The following MICAL2 variants were observed in gnomAD, a reference collection of about 807,000 sequenced individuals.
The protein encoded by MICAL2 is [F-actin]-monooxygenase MICAL2.
MICAL2 carries 77 observed loss-of-function variants against 127.3 expected under a neutral mutation model. The observed-to-expected ratio is 0.60, with a 90% CI of 0.50 to 0.73. MICAL2 has a LOEUF of 0.73. Among genes scored for constraint, MICAL2 ranks in the 30% least tolerant of loss-of-function variants. The pLI is 0.00. For synonymous variants in MICAL2, 570 were observed against 551.1 expected (o/e 1.03, Z -0.48); for missense variants, 1,351 against 1,434.4 (o/e 0.94, Z 0.94).
intron 29 of MICAL2, among the ~76,000 whole-genome samples, chr11:12,310,005 T>G (rs1864154423): frequency 6.6e-6 from 1 of 152,160 alleles, no homozygotes; most frequent in East Asian, 1.9e-4. Context: ...TCAGGCCTTT[T>G]GCATTTTTTA....
rs762342397 is a variant in MICAL2 at position 12,220,192 on chromosome 11, C to G, written c.949-9C>G. The G allele has an allele frequency of 5.6e-6, 9 of 1,613,698 alleles. No individual in the cohort carries two copies. The Admixed American group carries it at 6.7e-5, about 12-fold the overall frequency. On this transcript the variant is annotated splice_polypyrimidine_tract_variant and intron_variant, in intron 8 of 27. Transcript: ENST00000683283. ...GGAGGTTGCTGCACCATGTTTTCAT[C>G]TTCCCCAGGACTACATCGACACAGA...
At chr11:12,280,173 A>C (rs1229531177) in intron 1 of MICAL2, among the ~76,000 whole-genome samples, 1 of 152,038 alleles carries the variant, frequency 6.6e-6, no homozygotes, top group Non-Finnish European at 1.5e-5. Flanking sequence ...ACCCAGGTAG[A>C]ATTTTCCATT....
chr11:12,300,648 C>T (rs1864036658), intron 29 of MICAL2, among the ~76,000 whole-genome samples: 1 of 152,142 alleles, frequency 6.6e-6, no homozygotes, highest in Non-Finnish European at 1.5e-5. Context: ...ACCCTATGCC[C>T]TCTAACCACT....
At chr11:12,280,410 A>G (rs2403609) in intron 1 of MICAL2, among the ~76,000 whole-genome samples, 125,133 of 152,156 alleles carry the variant, frequency 0.82, 52,073 homozygotes, top group Non-Finnish European at 0.89. Context: ...ATAACAAAGC[A>G]CCACAGACTG....
At chr11:12,125,009 C>T (rs1850800434) in intron 1 of MICAL2, among the ~76,000 whole-genome samples, 1 of 152,244 alleles carries the variant, frequency 6.6e-6, no homozygotes, top group Non-Finnish European at 1.5e-5. Flanking sequence ...GACACATCCT[C>T]TCTCTTCTAG....
chr11:12,309,226 A>G (rs1353945296), intron 29 of MICAL2, among the ~76,000 whole-genome samples: 2 of 152,170 alleles, frequency 1.3e-5, no homozygotes, highest in Non-Finnish European at 2.9e-5. Context: ...GAAATTTACT[A>G]TAAATCATTG....
downstream of MICAL2, among the ~76,000 whole-genome samples, chr11:12,291,190 A>C (rs1863894495): frequency 6.6e-6 from 1 of 152,090 alleles, no homozygotes; most frequent in Non-Finnish European, 1.5e-5. Context: ...GTAGGTACTG[A>C]GAGGGCAGAT....
At chr11:12,111,672 G>A (rs952474219) in intron 1 of MICAL2, among the ~76,000 whole-genome samples, 1 of 152,230 alleles carries the variant, frequency 6.6e-6, no homozygotes, top group African/African-American at 2.4e-5. Flanking sequence ...GCAGTGTGCC[G>A]GCTCTCTTGC....
At chr11:12,119,339 C>T (rs1345637091) in intron 1 of MICAL2, among the ~76,000 whole-genome samples, 1 of 152,220 alleles carries the variant, frequency 6.6e-6, no homozygotes, top group African/African-American at 2.4e-5. Context: ...CTTTAATTGG[C>T]ATGGCTGCAC....
chr11:12,237,392 G>A (rs1389137213), intron 16 of MICAL2, among the ~76,000 whole-genome samples: 3 of 152,136 alleles, frequency 2.0e-5, no homozygotes, highest in Non-Finnish European at 4.4e-5. Flanking sequence ...GAGAGGAAGC[G>A]GAGACTGCAC....
intron 18 of MICAL2, 120 bp downstream of exon 18, chr11:12,241,282 C>T: frequency 1.6e-6 from 2 of 1,265,042 alleles, no homozygotes; most frequent in Non-Finnish European, 2.2e-6. Flanking sequence ...TTTCTGGACA[C>T]ACCTTGATGT....
intron 3 of MICAL2, among the ~76,000 whole-genome samples, chr11:12,189,490 C>T (rs967879974): frequency 6.6e-6 from 1 of 152,154 alleles, no homozygotes; most frequent in Non-Finnish European, 1.5e-5. Flanking sequence ...TGGGTAGGAT[C>T]AGGTATTACA....
intron 32 of MICAL2, among the ~76,000 whole-genome samples, chr11:12,340,642 A>G (rs1465802281): frequency 6.6e-6 from 1 of 152,234 alleles, no homozygotes; most frequent in East Asian, 1.9e-4. Context: ...TCAGATATCC[A>G]TTAACAGGAA....
chr11:12,217,696 T>C (rs1177934672), intron 8 of MICAL2, among the ~76,000 whole-genome samples: 1 of 152,126 alleles, frequency 6.6e-6, no homozygotes, highest in Non-Finnish European at 1.5e-5. Flanking sequence ...CACCCTCAGG[T>C]CATCCCAGGT....
intron 32 of MICAL2, among the ~76,000 whole-genome samples, chr11:12,337,062 G>C (rs961826650): frequency 5.3e-5 from 8 of 152,148 alleles, no homozygotes; most frequent in African/African-American, 1.9e-4. Context: ...GGTAGAATTC[G>C]GCTGTGAATC....
intron 29 of MICAL2, among the ~76,000 whole-genome samples, chr11:12,313,750 A>G (rs140209984): frequency 1.2e-4 from 19 of 152,086 alleles, no homozygotes; most frequent in Non-Finnish European, 1.9e-4. Flanking sequence ...TCACTTGCTA[A>G]GAGAGCTTTG....
chr11:12,242,752 G>A lies in MICAL2; in HGVS notation c.2638G>A (p.Gly880Arg). 6.2e-7 allele frequency: 1 copy of A among 1,608,626 alleles called. No homozygotes were observed. ...GGCGGCTCACCTTGCCTCCATGTTTGGACACGGGGATTTCCCGCAGGTAAA... is the reference window on the plus strand; with the variant it reads ...GGCGGCTCACCTTGCCTCCATGTTTAGACACGGGGATTTCCCGCAGGTAAA... ...EKAAHLASMF[G>R]HGDFPQNKLL... Residue 880 changes from glycine to arginine, a missense_variant, in exon 20 of 28, where the codon GGA becomes AGA. Physicochemically the swap from Gly to Arg is moderately radical, Grantham distance 125 (BLOSUM62 -2). Around this residue, in one of 2 missense-constraint regions of MICAL2, gnomAD observed 752 missense variants for 719.4 expected, o/e 1.05. Coordinates refer to ENST00000683283, the MANE Select transcript of MICAL2 (RefSeq NM_001282663.2).
chr11:12,311,105 A>G (rs1864168729), intron 29 of MICAL2, among the ~76,000 whole-genome samples: 1 of 152,128 alleles, frequency 6.6e-6, no homozygotes, highest in Non-Finnish European at 1.5e-5. Context: ...AGTTTTTCTG[A>G]ATACAAAATC....
intron 1 of MICAL2, among the ~76,000 whole-genome samples, chr11:12,119,820 G>C (rs1158168): frequency 0.75 from 113,701 of 152,126 alleles, 42,748 homozygotes; most frequent in African/African-American, 0.82. Flanking sequence ...ATGGGATGGT[G>C]TAGTTCTCAT....
Sources: gnomAD v4.1 joint callset for allele counts (sites outside exome capture counted in the v4.1 genomes callset) on GRCh38, gnomAD v4.1.1 for gene constraint, gnomAD v4.1.1 regional missense constraint, MANE v1.5 for transcripts, NCBI Gene and HGNC (gene_info 2026-07-23, HGNC 2026-07-21) for gene names.